Variants in MACROD2 observed in about 807,000 individuals in gnomAD.
The protein encoded by MACROD2 is ADP-ribose glycohydrolase MACROD2.
Under a neutral mutation model 70.4 loss-of-function variants are expected in MACROD2, and 36 were observed. The ratio of observed to expected loss-of-function variants is 0.51; its 90% CI spans 0.39 to 0.68. MACROD2 has a LOEUF of 0.68. MACROD2 is among the 30% of genes least tolerant of loss of function. The pLI, the probability that MACROD2 is intolerant of heterozygous loss-of-function variation, is 0.00. For synonymous variants in MACROD2, 172 were observed against 178.8 expected (o/e 0.96, Z 0.30); for missense variants, 496 against 538.4 (o/e 0.92, Z 0.78).
intron 3 of MACROD2, among the ~76,000 whole-genome samples, chr20:14,457,516 A>G (rs1034600351): frequency 1.3e-5 from 2 of 152,128 alleles, no homozygotes; most frequent in Non-Finnish European, 2.9e-5. Context: ...TTTAGATTCT[A>G]TCCGTTTATA....
chr20:15,985,918 A>C (rs2066475238), intron 13 of MACROD2: 2 of 152,212 alleles, frequency 1.3e-5, no homozygotes. Context: ...CACAGCACTA[A>C]AGATTTCACA....
intron 3 of MACROD2, among the ~76,000 whole-genome samples, chr20:14,087,256 T>C (rs1030501091): frequency 4.0e-5 from 6 of 151,856 alleles, no homozygotes; most frequent in Non-Finnish European, 2.9e-5. Flanking sequence ...ATTAGCCAGG[T>C]GTGATGGCGA....
intron 8 of MACROD2, among the ~76,000 whole-genome samples, chr20:15,772,218 T>C (rs2051647778): frequency 1.3e-5 from 2 of 150,976 alleles, no homozygotes; most frequent in African/African-American, 2.4e-5. Flanking sequence ...CTTGTGTAGA[T>C]CTTTCCTAAA....
At chr20:14,255,683 T>TAATA (rs199558871) in intron 3 of MACROD2, among the ~76,000 whole-genome samples, 22,617 of 136,616 alleles carry the variant, frequency 0.17, 2,558 homozygotes, top group African/African-American at 0.33. Flanking sequence ...CTTAAAAGTA[T>TAATA]AATAAATAAA....
At chr20:14,653,384 A>G (rs1380651403) in intron 4 of MACROD2, among the ~76,000 whole-genome samples, 2 of 150,404 alleles carry the variant, frequency 1.3e-5, no homozygotes, top group Non-Finnish European at 3.0e-5. Context: ...AAGCCCGGCT[A>G]ATTTTTTGTA....
rs368642401 is a variant in MACROD2 at position 14,588,713 on chromosome 20, C to T, written c.301+95205C>T. On this transcript the variant is annotated intron_variant, in intron 4 of 17. Transcript: ENST00000684519. ...TCATGACCTTGTGATACACCTGCCT[C>T]GGCCTCCCAAAGTGCTGAGATTACA... 1.4e-4 allele frequency among the ~76,000 whole-genome samples: 21 copies of T among 152,248 alleles called. No homozygotes were observed. In the South Asian group the frequency reaches 1.7e-3, roughly 12 times the overall value.
chr20:15,379,800 A>G (rs2045616259), intron 6 of MACROD2, among the ~76,000 whole-genome samples: 1 of 152,160 alleles, frequency 6.6e-6, no homozygotes, highest in African/African-American at 2.4e-5. Flanking sequence ...CAAGCACATG[A>G]AGAATATTTA....
At chr20:14,150,067 C>T (rs749313629) in intron 3 of MACROD2, among the ~76,000 whole-genome samples, 4 of 152,056 alleles carry the variant, frequency 2.6e-5, no homozygotes, top group Non-Finnish European at 5.9e-5. Context: ...CTCTCCCCAC[C>T]TTTCCCCCAT....
intron 3 of MACROD2, among the ~76,000 whole-genome samples, chr20:14,220,743 A>T (rs1356133661): frequency 1.3e-5 from 2 of 151,886 alleles, no homozygotes; most frequent in Non-Finnish European, 2.9e-5. Flanking sequence ...CTCCAGATTG[A>T]CTCAGCTCCA....
chr20:14,043,769 A>T (rs1239085573), intron 2 of MACROD2, among the ~76,000 whole-genome samples: 1 of 152,144 alleles, frequency 6.6e-6, no homozygotes, highest in Non-Finnish European at 1.5e-5. Flanking sequence ...GCAGGGGAAA[A>T]TTCCTGCCTT....
chr20:16,036,810 C>T (rs767002845), intron 15 of MACROD2, among the ~76,000 whole-genome samples: 7 of 152,018 alleles, frequency 4.6e-5, no homozygotes, highest in African/African-American at 7.2e-5. Flanking sequence ...CACACATGCA[C>T]GCACGCACAT....
chr20:15,502,642 A>G (rs1433043205), intron 8 of MACROD2, among the ~76,000 whole-genome samples: 1 of 152,162 alleles, frequency 6.6e-6, no homozygotes, highest in East Asian at 1.9e-4. Context: ...CAGGCAGGAG[A>G]TGAGGGTGCT....
At chr20:14,966,666 G>T (rs2122783740) in intron 5 of MACROD2, among the ~76,000 whole-genome samples, 1 of 152,230 alleles carries the variant, frequency 6.6e-6, no homozygotes, top group Non-Finnish European at 1.5e-5. Context: ...CATTAGTTTT[G>T]CCTGTTCTTG....
At chr20:15,998,159 C>G (rs1360022134) in intron 15 of MACROD2, among the ~76,000 whole-genome samples, 1 of 152,072 alleles carries the variant, frequency 6.6e-6, no homozygotes, top group African/African-American at 2.4e-5. Context: ...GTGTTTCTAT[C>G]TAGCTTTGGT....
rs6042892 is a variant in MACROD2 at position 14,740,481 on chromosome 20, T to A, written c.418+55522T>A. Among the ~76,000 whole-genome samples the A allele has an allele frequency of 8.2e-3, 1,256 of 152,296 alleles. 17 individuals carry two copies. Among genetic ancestry groups the A allele is most frequent in the African/African-American group, 0.029 (1,186 of 41,556 alleles). On this transcript the variant is annotated intron_variant, in intron 5 of 17. Coordinates refer to ENST00000684519, the MANE Select transcript of MACROD2 (RefSeq NM_001351661.2). ...TTGGTTATCAGAACTTACATTTTTG[T>A]GAAGTGTGCTAAAATGCTCAAGAAT...
chr20:14,927,189 A>G (rs1308024623), intron 5 of MACROD2, among the ~76,000 whole-genome samples: 7 of 152,176 alleles, frequency 4.6e-5, no homozygotes, highest in Admixed American at 4.6e-4. Flanking sequence ...TCTTGCAATC[A>G]CAGGAAAAGG....
At chr20:15,677,150 C>A (rs1000354845) in intron 8 of MACROD2, among the ~76,000 whole-genome samples, 2 of 152,092 alleles carry the variant, frequency 1.3e-5, no homozygotes, top group Admixed American at 6.5e-5. Flanking sequence ...GAGTACAGAG[C>A]TATTAAAGGC....
chr20:15,621,611 T>C (rs566699457), intron 8 of MACROD2, among the ~76,000 whole-genome samples: 1 of 152,308 alleles, frequency 6.6e-6, no homozygotes, highest in Non-Finnish European at 1.5e-5. Context: ...ATAATTTGCA[T>C]CTGGAGGAAG....
At chr20:15,091,107 T>C (rs1166201679) in intron 5 of MACROD2, among the ~76,000 whole-genome samples, 1 of 151,960 alleles carries the variant, frequency 6.6e-6, no homozygotes, top group Non-Finnish European at 1.5e-5. Context: ...CACTGGATCC[T>C]AGCAATCCGA....
Sources: gnomAD v4.1 joint callset for allele counts (sites outside exome capture counted in the v4.1 genomes callset) on GRCh38, gnomAD v4.1.1 for gene constraint, MANE v1.5 for transcripts, NCBI Gene and HGNC (gene_info 2026-07-23, HGNC 2026-07-21) for gene names.